The following NUCB2 variants were observed in gnomAD, a reference collection of about 807,000 sequenced individuals.
NUCB2 encodes the protein nucleobindin 2.
A neutral mutation model predicts 57.9 loss-of-function variants in NUCB2; 48 were observed. The observed-to-expected ratio is 0.83, with a 90% CI of 0.66 to 1.05. The LOEUF is 1.05. Among genes scored for constraint, NUCB2 ranks in the 50% least tolerant of loss-of-function variants. NUCB2 has a pLI of 0.00. For missense variants in NUCB2, 442 were observed against 476.2 expected (o/e 0.93, Z 0.67); for synonymous variants, 139 against 152.1 (o/e 0.91, Z 0.64).
In NUCB2 at chr11:17,310,924, TTGAA is replaced by T. The variant is rs1565429471; in HGVS notation, c.588_591del (p.Asn196LysfsTer14). ...TGAAAGGAGAGAATATTTAAAAACA[TTGAA>T]TGAAGAAAAGAGAAAAGAAGAAGAG... is the stretch of plus-strand genomic sequence containing the variant. On this transcript the variant is annotated frameshift_variant, in exon 7 of 14. Transcript: ENST00000529010. LOFTEE classifies it high-confidence loss of function. The T allele has an allele frequency of 3.1e-6, 5 of 1,591,200 alleles. No individual in the cohort carries two copies. The highest frequency in any genetic ancestry group is 4.3e-6 in the Non-Finnish European group (5 of 1,172,002).
intron 11 of NUCB2, among the ~76,000 whole-genome samples, chr11:17,320,015 T>C (rs1333552250): frequency 1.3e-5 from 2 of 152,160 alleles, no homozygotes; most frequent in African/African-American, 4.8e-5. Context: ...CTGCATTAGT[T>C]TGCTAGAGAT....
chr11:17,300,141 G>C (rs1382905416), intron 4 of NUCB2, among the ~76,000 whole-genome samples: 1 of 151,956 alleles, frequency 6.6e-6, no homozygotes, highest in African/African-American at 2.4e-5. Context: ...CTCCTGAGTA[G>C]CTGGGACTGC....
intron 2 of NUCB2, among the ~76,000 whole-genome samples, chr11:17,285,340 C>T (rs974299695): frequency 8.5e-5 from 13 of 152,122 alleles, no homozygotes; most frequent in South Asian, 4.1e-4. Context: ...TTTGGGAGGC[C>T]GAGGCGGGCG....
chr11:17,287,954 C>T lies in NUCB2; in HGVS notation c.-1+5011C>T, dbSNP rs185593606. Among the ~76,000 whole-genome samples, 439 of 152,194 alleles carry T rather than the reference C, an allele frequency of 2.9e-3. 4 individuals are homozygous for T. The highest frequency in any genetic ancestry group is 1.0e-2 in the African/African-American group (415 of 41,514). ...TGGAGGTTGCAGTGATCCGAGATCGCGGCACTGCACTCCAGCACGGGCAGT... is the reference window on the plus strand; with the variant it reads ...TGGAGGTTGCAGTGATCCGAGATCGTGGCACTGCACTCCAGCACGGGCAGT... On this transcript the variant is annotated intron_variant, in intron 2 of 13. Coordinates refer to ENST00000529010, the MANE Select transcript of NUCB2 (RefSeq NM_005013.4).
At position 17,287,490 on chromosome 11, in the gene NUCB2, G is replaced by T. The variant is rs187436110; in HGVS notation, c.-1+4547G>T. Reference sequence around the variant, plus strand: ...AATTTGAGACCAGCCTGGCCAACATGACAAAACCCTGTCTCTACTAAAAAT... The same window carrying T: ...AATTTGAGACCAGCCTGGCCAACATTACAAAACCCTGTCTCTACTAAAAAT... On this transcript the variant is annotated intron_variant, in intron 2 of 13. Coordinates refer to ENST00000529010, the MANE Select transcript of NUCB2 (RefSeq NM_005013.4). Among the ~76,000 whole-genome samples the T allele has an allele frequency of 4.2e-3, 632 of 151,876 alleles. 5 individuals carry two copies. The highest frequency in any genetic ancestry group is 0.015 in the African/African-American group (606 of 41,448).
chr11:17,288,546 C>CTTTT lies in NUCB2; in HGVS notation c.-1+5605_-1+5606insTTTT, dbSNP rs1409100990. Among the ~76,000 whole-genome samples, 33 of 81,638 alleles carry CTTTT rather than the reference C, an allele frequency of 4.0e-4. No homozygotes were observed. In the East Asian group the frequency reaches 0.02, roughly 51 times the overall value. The allele number at this position is 81,638 out of a possible 152,430, so 53.6% of individuals were successfully genotyped here. ...ATTTTATCTTTTTCTTCTTCTTCTT[C>CTTTT]TTCTTCTTTTTTTTTTTTTTTTGAG... On this transcript the variant is annotated intron_variant, in intron 2 of 13. Transcript: ENST00000529010.
intron 4 of NUCB2, among the ~76,000 whole-genome samples, chr11:17,300,014 G>A (rs1379299828): frequency 6.6e-6 from 1 of 151,234 alleles, no homozygotes; most frequent in Non-Finnish European, 1.5e-5. Flanking sequence ...GTCTGTTTTT[G>A]TTTTGTTTTT....
chr11:17,305,727 T>C (rs1435795516), intron 5 of NUCB2, among the ~76,000 whole-genome samples: 15 of 152,086 alleles, frequency 9.9e-5, no homozygotes, highest in Non-Finnish European at 2.1e-4. Context: ...GCTCAAGAGA[T>C]TCTCACACTT....
intron 5 of NUCB2, 140 bp downstream of exon 5, chr11:17,302,010 C>T: frequency 1.6e-6 from 1 of 621,998 alleles, no homozygotes; most frequent in Non-Finnish European, 2.7e-6. Flanking sequence ...AGTGATCCTC[C>T]CATCTCAACC....
chr11:17,315,065 T>C (rs1375155527), intron 10 of NUCB2, among the ~76,000 whole-genome samples: 2 of 152,206 alleles, frequency 1.3e-5, no homozygotes, highest in African/African-American at 2.4e-5. Flanking sequence ...ATACATATTA[T>C]GGTAAAGGAG....
Position 17,315,495 on chromosome 11 carries a change from A to G in NUCB2, c.1002+20A>G, listed in dbSNP as rs776743444. 2.1e-6 allele frequency: 3 copies of G among 1,417,586 alleles called. No individual in the cohort carries two copies. Among genetic ancestry groups the G allele is most frequent in the East Asian group, 2.3e-5 (1 of 43,792 alleles). The allele number at this position is 1,417,586 out of a possible 1,614,324, so 87.8% of individuals were successfully genotyped here. On this transcript the variant is annotated intron_variant, in intron 11 of 13. Transcript: ENST00000529010. The stretch of plus-strand genomic sequence containing the variant: ...TGGGAGGTAATAGAACCTACTCTAA[A>G]TGAGATGTATGGTTCAACAAATTCT...
chr11:17,334,741 C>T (rs946056445), downstream of NUCB2, among the ~76,000 whole-genome samples: 7 of 152,080 alleles, frequency 4.6e-5, no homozygotes, highest in South Asian at 6.2e-4. Context: ...CAAAAATTAG[C>T]TGGGTGTGAT....
chr11:17,330,179 A>G lies in NUCB2; in HGVS notation c.1055A>G (p.Asn352Ser), dbSNP rs753130310. 3.8e-6 allele frequency: 6 copies of G among 1,589,064 alleles called. No homozygotes were observed. The African/African-American group carries it at 5.4e-5, about 14-fold the overall frequency. The change falls in exon 12 of 14, where the codon AAT (asparagine) becomes AGT (serine). Residue 352 changes from asparagine to serine, a missense_variant. By Grantham distance (46) the Asn-to-Ser change is conservative. Transcript: ENST00000529010. This position sits in a 1 kb window ranked among gnomAD's most constrained non-coding sequence, Gnocchi z 4.3. ...FTEEELKEYE[N>S]IIALQENELK... ...GAGGAAGAACTAAAAGAATATGAAA[A>G]TATTATTGCTTTACAAGAAAATGAA...
intron 5 of NUCB2, among the ~76,000 whole-genome samples, chr11:17,304,189 T>A (rs921764377): frequency 1.7e-4 from 26 of 152,052 alleles, no homozygotes; most frequent in Middle Eastern, 3.4e-3. Flanking sequence ...TTTAAATTTT[T>A]AATTTTAATT....
intron 2 of NUCB2, chr11:17,283,403 T>G (rs965787219): frequency 1.3e-5 from 2 of 152,254 alleles, no homozygotes; most frequent in African/African-American, 4.8e-5. Context: ...AGGAAAGATT[T>G]GGATATTGGC....
chr11:17,341,153 G>T (rs1952230557), intron 2 of NUCB2, among the ~76,000 whole-genome samples: 2 of 152,136 alleles, frequency 1.3e-5, no homozygotes, highest in African/African-American at 4.8e-5. Context: ...TGTGATTTTT[G>T]CACATTGATT....
chr11:17,296,581 C>T (rs997389351), intron 4 of NUCB2, among the ~76,000 whole-genome samples: 2 of 151,818 alleles, frequency 1.3e-5, no homozygotes, highest in African/African-American at 2.4e-5. Context: ...AGCAGTGGGG[C>T]GAGGTGGGAA....
At chr11:17,321,184 C>T (rs1298181488) in intron 11 of NUCB2, among the ~76,000 whole-genome samples, 1 of 150,362 alleles carries the variant, frequency 6.7e-6, no homozygotes, top group Admixed American at 6.7e-5. Flanking sequence ...CTATGAAATA[C>T]TGGGTTTTAT....
intron 2 of NUCB2, among the ~76,000 whole-genome samples, chr11:17,348,838 G>T (rs942192845): frequency 2.0e-5 from 3 of 151,918 alleles, no homozygotes; most frequent in African/African-American, 7.3e-5. Context: ...GAGTGCAACG[G>T]CATTGATCTC....
Sources: allele counts gnomAD v4.1 joint callset (sites outside exome capture counted in the v4.1 genomes callset), GRCh38; gene constraint gnomAD v4.1.1; non-coding constraint Gnocchi (gnomAD v3.1); transcripts MANE v1.5; gene names NCBI Gene and HGNC (gene_info 2026-07-23, HGNC 2026-07-21).